LRIG2: variants seen among roughly 807,000 people sequenced by gnomAD.
LRIG2 encodes the protein leucine-rich repeats and immunoglobulin-like domains protein 2.
In LRIG2, 93 loss-of-function variants were observed where a neutral mutation model predicts 107.8. The observed-to-expected ratio is 0.86, with a 90% CI of 0.73 to 1.03. The LOEUF is 1.03. LRIG2 is among the 50% of genes least tolerant of loss of function. The pLI is 0.00. For missense variants in LRIG2, 1,226 were observed against 1,296.0 expected (o/e 0.95, Z 0.83); for synonymous variants, 471 against 470.6 (o/e 1.00, Z -0.01).
chr1:113,088,739 A>G (rs1653663197), intron 1 of LRIG2, among the ~76,000 whole-genome samples: 2 of 152,240 alleles, frequency 1.3e-5, no homozygotes, highest in Admixed American at 1.3e-4. Context: ...TATCTAACTT[A>G]AATTAAAACA....
In LRIG2 at chr1:113,074,558, C is replaced by A. The variant is rs547796854; in HGVS notation, c.239+913C>A. Reference sequence around the variant, plus strand: ...CCACTAACATACAGTTATTTCTCGTCACTAACTGAGCAGCACGTTTATTAA... The same window carrying A: ...CCACTAACATACAGTTATTTCTCGTAACTAACTGAGCAGCACGTTTATTAA... On this transcript the variant is annotated intron_variant, in intron 1 of 17. Transcript: ENST00000361127. Among the ~76,000 whole-genome samples, 77 of 152,286 alleles carry A rather than the reference C, an allele frequency of 5.1e-4. 1 individual carries two copies. The highest frequency in any genetic ancestry group is 1.8e-3 in the African/African-American group (76 of 41,568).
In LRIG2 at chr1:113,073,697, T is replaced by A. The variant is rs771925213; in HGVS notation, c.239+52T>A. 8 of 1,529,794 alleles carry A rather than the reference T, an allele frequency of 5.2e-6. No homozygotes were observed. The African/African-American group carries it at 1.1e-4, about 21-fold the overall frequency. 94.8% of individuals were successfully genotyped at this position (1,529,794 alleles called of 1,614,324 possible). A position where few individuals can be genotyped will look rare whatever the true frequency, so the allele number is the denominator to read the frequency against. ...CCAAAAGGAGGGGGAGCCTTCCCTC[T>A]ACAGGGGGCAGGCAGGAGGGAGACA... is the stretch of plus-strand genomic sequence containing the variant. On this transcript the variant is annotated intron_variant, in intron 1 of 17. Coordinates refer to ENST00000361127, the MANE Select transcript of LRIG2 (RefSeq NM_014813.3).
chr1:113,123,982 G>T lies in LRIG2; in HGVS notation c.3079G>T (p.Gly1027Cys). Reference sequence around the variant, plus strand: ...GTCACCACAACTTCATCAAAATGAGGGCCTGGCAGGGAGAGAGCCAGACTG... The same window carrying T: ...GTCACCACAACTTCATCAAAATGAGTGCCTGGCAGGGAGAGAGCCAGACTG... ...HESPQLHQNE[G>C]LAGREPDCSA... is the part of the protein sequence containing the mutation. The change falls in exon 18 of 18, where the codon GGC becomes TGC. Residue 1027 changes from glycine to cysteine, a missense_variant. Physicochemically the swap from Gly to Cys is radical, Grantham distance 159 (BLOSUM62 -3). Transcript: ENST00000361127. 4 of 1,614,038 alleles carry T rather than the reference G, an allele frequency of 2.5e-6. No homozygotes were observed. Among genetic ancestry groups the T allele is most frequent in the Non-Finnish European group, 3.4e-6 (4 of 1,180,016 alleles).
At chr1:113,099,488 C>G (rs1401705933) in intron 9 of LRIG2, among the ~76,000 whole-genome samples, 1 of 152,028 alleles carries the variant, frequency 6.6e-6, no homozygotes, top group African/African-American at 2.4e-5. Context: ...GATCCTCCCA[C>G]CTTGGCCTCC....
intron 1 of LRIG2, among the ~76,000 whole-genome samples, chr1:113,090,874 C>T (rs1358254428): frequency 6.7e-6 from 1 of 149,810 alleles, no homozygotes; most frequent in East Asian, 2.0e-4. Context: ...TTTTTTGAGA[C>T]AGAATCTTGC....
At chr1:113,113,941 A>T (rs551781917) in intron 14 of LRIG2, among the ~76,000 whole-genome samples, 34 of 152,314 alleles carry the variant, frequency 2.2e-4, no homozygotes, top group African/African-American at 6.5e-4. Context: ...TCTCACTTTT[A>T]TGTAGTCAAA....
At chr1:113,116,903 A>AGTTC (rs889920655) in intron 16 of LRIG2, among the ~76,000 whole-genome samples, 1 of 152,298 alleles carries the variant, frequency 6.6e-6, no homozygotes, top group Admixed American at 6.5e-5. Flanking sequence ...TGAGGCCAGG[A>AGTTC]GTTCGAGGCT....
chr1:113,073,530 C>T lies in LRIG2; in HGVS notation c.124C>T (p.Leu42Phe). Reference protein sequence around the residue: ...LLLLPAAGAGLCPAPCSCRIP... With the variant: ...LLLLPAAGAGFCPAPCSCRIP... ...CCTGTTGCCCGCCGCCGGAGCAGGT[C>T]TCTGCCCCGCGCCCTGCTCCTGCCG... Residue 42 changes from leucine (L) to phenylalanine (F), a missense_variant, in exon 1 of 18, where the codon CTC (leucine) becomes TTC (phenylalanine). Coordinates refer to ENST00000361127, the MANE Select transcript of LRIG2 (RefSeq NM_014813.3). 6.2e-7 allele frequency: 1 copy of T among 1,614,060 alleles called. No individual in the cohort carries two copies. Among genetic ancestry groups the T allele is most frequent in the Non-Finnish European group, 8.5e-7 (1 of 1,179,942 alleles).
intron 15 of LRIG2, 146 bp from the exon 16 acceptor site, chr1:113,116,141 A>C: frequency 2.0e-6 from 1 of 503,202 alleles, no homozygotes; most frequent in Admixed American, 3.9e-5. Context: ...AAATAGTTTT[A>C]GGGGAAGTAC....
intron 1 of LRIG2, among the ~76,000 whole-genome samples, chr1:113,089,308 T>C (rs1653689224): frequency 6.6e-6 from 1 of 152,230 alleles, no homozygotes; most frequent in Non-Finnish European, 1.5e-5. Context: ...CTTGTAAAGA[T>C]GCCAGAAGCA....
intron 1 of LRIG2, among the ~76,000 whole-genome samples, chr1:113,073,865 A>T (rs1202237096): frequency 6.6e-6 from 1 of 151,644 alleles, no homozygotes; most frequent in Non-Finnish European, 1.5e-5. Context: ...GAGGGTTAAG[A>T]TTCTTGGGGC....
Position 113,116,435 on chromosome 1 carries a change from C to T in LRIG2, c.2679C>T (p.Asp893=), listed in dbSNP as rs766298336. The T allele has an allele frequency of 8.0e-6, 12 of 1,505,234 alleles. No individual in the cohort carries two copies. The highest frequency in any genetic ancestry group is 8.9e-6 in the Non-Finnish European group (10 of 1,122,444). 93.2% of individuals were successfully genotyped at this position (1,505,234 alleles called of 1,614,324 possible). The change falls in exon 16 of 18, where the codon GAC becomes GAT. Residue 893 remains aspartate, a splice_region_variant and synonymous_variant. Coordinates refer to ENST00000361127, the MANE Select transcript of LRIG2 (RefSeq NM_014813.3). ...ATGGATATATACACAAAGGCACTGACGGTAATGACTCTGTTGTTTATGGTT... is the reference window on the plus strand; with the variant it reads ...ATGGATATATACACAAAGGCACTGATGGTAATGACTCTGTTGTTTATGGTT... ...PANGYIHKGT[D]GGTGTRVICS...
chr1:113,096,187 A>G (rs1654057386), intron 7 of LRIG2, 35 bp from the exon 8 acceptor site: 3 of 1,604,718 alleles, frequency 1.9e-6, no homozygotes, highest in Non-Finnish European at 2.6e-6. Flanking sequence ...ACCAAATACA[A>G]TGAATTCCTT....
In LRIG2 at chr1:113,089,676, C is replaced by CTTTTTTT. The variant is rs35515644; in HGVS notation, c.240-1626_240-1620dup. ...ATTTCCTCTTACTGAAGGTGGATTG[C>CTTTTTTT]TTTTTTTTTTTTTTTTTTTTTTGGA... On this transcript the variant is annotated intron_variant, in intron 1 of 17. Coordinates refer to ENST00000361127, the MANE Select transcript of LRIG2 (RefSeq NM_014813.3). 6.4e-3 allele frequency among the ~76,000 whole-genome samples: 462 copies of CTTTTTTT among 71,664 alleles called. 33 individuals carry two copies. The highest frequency in any genetic ancestry group is 0.022 in the Middle Eastern group (1 of 46). 47.0% of individuals were successfully genotyped at this position (71,664 alleles called of 152,430 possible). A position where few individuals can be genotyped will look rare whatever the true frequency, so the allele number is the denominator to read the frequency against.
chr1:113,073,347 C>A lies in LRIG2; in HGVS notation c.-60C>A. ...ACCGAGCATCTCTGCTGAGCTTCTC[C>A]GCCGATCCTCCTTTTCTAGCAGGCA... On this transcript the variant is annotated 5_prime_UTR_variant, in exon 1 of 18. Transcript: ENST00000361127. The A allele has an allele frequency of 7.1e-7, 1 of 1,406,060 alleles. No individual in the cohort carries two copies. Among genetic ancestry groups the A allele is most frequent in the Non-Finnish European group, 1.0e-6 (1 of 1,002,022 alleles). The allele number at this position is 1,406,060 out of a possible 1,614,324, so 87.1% of individuals were successfully genotyped here.
intron 1 of LRIG2, among the ~76,000 whole-genome samples, chr1:113,075,811 T>C (rs1257422285): frequency 6.7e-6 from 1 of 148,310 alleles, no homozygotes; most frequent in African/African-American, 2.5e-5. Flanking sequence ...TTCTCCTGCC[T>C]CAGCCTCCCA....
intron 1 of LRIG2, among the ~76,000 whole-genome samples, chr1:113,089,938 A>C (rs910188018): frequency 6.8e-6 from 1 of 147,798 alleles, no homozygotes; most frequent in Non-Finnish European, 1.5e-5. Context: ...CGGGTGATCC[A>C]CCCGCCTTGG....
Position 113,127,723 on chromosome 1 carries a change from C to G in LRIG2, c.*3622C>G, listed in dbSNP as rs1655540360. The G allele has an allele frequency of 6.6e-6, 1 of 151,358 alleles. No individual in the cohort carries two copies. Among genetic ancestry groups the G allele is most frequent in the East Asian group, 2.0e-4 (1 of 5,064 alleles). 9.4% of individuals were successfully genotyped at this position (151,358 alleles called of 1,614,324 possible). A position where few individuals can be genotyped will look rare whatever the true frequency, so the allele number is the denominator to read the frequency against. On this transcript the variant is annotated 3_prime_UTR_variant, in exon 18 of 18. Coordinates refer to ENST00000361127, the MANE Select transcript of LRIG2 (RefSeq NM_014813.3). ...GGGATTACAGGCATGCACCACCATG[C>G]CCGGCTAATTTTATTTGTATTTTTA...
Position 113,073,521 on chromosome 1 carries a change from G to A in LRIG2, c.115G>A (p.Gly39Arg), listed in dbSNP as rs1351806222. 6.2e-7 allele frequency: 1 copy of A among 1,614,072 alleles called. No homozygotes were observed. The highest frequency in any genetic ancestry group is 1.6e-4 in the Middle Eastern group (1 of 6,062). Residue 39 changes from glycine (G) to arginine (R), a missense_variant, in exon 1 of 18, where the codon GGA becomes AGA. Coordinates refer to ENST00000361127, the MANE Select transcript of LRIG2 (RefSeq NM_014813.3). Reference sequence around the variant, plus strand: ...CGCTCTCCTCCTGTTGCCCGCCGCCGGAGCAGGTCTCTGCCCCGCGCCCTG... The same window carrying A: ...CGCTCTCCTCCTGTTGCCCGCCGCCAGAGCAGGTCTCTGCCCCGCGCCCTG... ...QTALLLLPAAGAGLCPAPCSC... is the reference protein window; with the variant it reads ...QTALLLLPAARAGLCPAPCSC...
Sources: allele counts gnomAD v4.1 joint callset (sites outside exome capture counted in the v4.1 genomes callset), GRCh38; gene constraint gnomAD v4.1.1; transcripts MANE v1.5; gene names NCBI Gene and HGNC (gene_info 2026-07-23, HGNC 2026-07-21).